The following PGBD5 variants were observed in gnomAD, a reference collection of about 807,000 sequenced individuals.
The protein encoded by PGBD5 is piggyBac transposable element-derived protein 5.
A neutral mutation model predicts 47.9 loss-of-function variants in PGBD5; 14 were observed. That is an observed-to-expected ratio of 0.29 (90% CI 0.19 to 0.46). PGBD5 has a LOEUF of 0.46. Ranked by LOEUF, PGBD5 falls within the 20% of genes least tolerant of loss-of-function variation. The probability of loss-of-function intolerance (pLI) is 1.00; values close to 1 mark genes in which losing one functional copy is unlikely to be tolerated. For synonymous variants in PGBD5, 316 were observed against 306.3 expected (o/e 1.03, Z -0.33); for missense variants, 635 against 716.0 (o/e 0.89, Z 1.29).
At chr1:230,390,441 T>A (rs1656756021) in intron 1 of PGBD5, among the ~76,000 whole-genome samples, 1 of 152,084 alleles carries the variant, frequency 6.6e-6, no homozygotes, top group Non-Finnish European at 1.5e-5. Flanking sequence ...CTGGGGTGCA[T>A]CCTCTCTGGC....
chr1:230,337,799 C>A (rs12726792), intron 3 of PGBD5, among the ~76,000 whole-genome samples: 35,057 of 152,050 alleles, frequency 0.23, 4,980 homozygotes, highest in South Asian at 0.36. Context: ...GGACTGAGGG[C>A]TAAACATTTG....
chr1:230,399,379 T>G (rs1330479673), intron 1 of PGBD5, among the ~76,000 whole-genome samples: 1 of 152,126 alleles, frequency 6.6e-6, no homozygotes, highest in Non-Finnish European at 1.5e-5. Context: ...AGCTGACTGC[T>G]CAGAACACGA....
At chr1:230,356,600 G>C (rs575704867) in intron 2 of PGBD5, among the ~76,000 whole-genome samples, 6 of 152,296 alleles carry the variant, frequency 3.9e-5, no homozygotes, top group Non-Finnish European at 8.8e-5. Context: ...ACACCATTTG[G>C]AAAGTATAAT....
chr1:230,370,162 C>T (rs1320446566), intron 1 of PGBD5, among the ~76,000 whole-genome samples: 1 of 152,198 alleles, frequency 6.6e-6, no homozygotes, highest in South Asian at 2.1e-4. Flanking sequence ...AGATGCTCTG[C>T]GTTCCCCTCC....
intron 3 of PGBD5, among the ~76,000 whole-genome samples, chr1:230,344,356 A>G (rs1235457915): frequency 1.3e-5 from 2 of 152,074 alleles, no homozygotes; most frequent in Non-Finnish European, 2.9e-5. Flanking sequence ...TGCTTTGTAG[A>G]TCTAATTTTA....
At position 230,323,484 on chromosome 1, in the gene PGBD5, A is replaced by G; in HGVS notation, c.1516T>C (p.Phe506Leu). The G allele has an allele frequency of 6.2e-7, 1 of 1,613,976 alleles. No individual in the cohort carries two copies. Among genetic ancestry groups the G allele is most frequent in the Non-Finnish European group, 8.5e-7 (1 of 1,179,990 alleles). ...YHVKRYSRAQ[F>L]GERLVRELLG... Reference sequence around the variant, plus strand: ...AGCTCTCTGACGAGTCTCTCTCCAAACTGCGCCCGGCTGTACCTCTTCACG... The same window carrying G: ...AGCTCTCTGACGAGTCTCTCTCCAAGCTGCGCCCGGCTGTACCTCTTCACG... The change falls in exon 7 of 7, where the codon TTT becomes CTT. Residue 506 changes from phenylalanine to leucine, a missense_variant. Coordinates refer to ENST00000391860, the MANE Select transcript of PGBD5 (RefSeq NM_001258311.2). The surrounding 1 kb of genome is among the most constrained non-coding windows in gnomAD (Gnocchi z 4.1).
intron 1 of PGBD5, among the ~76,000 whole-genome samples, chr1:230,385,289 C>T (rs995926633): frequency 6.6e-5 from 10 of 152,186 alleles, no homozygotes; most frequent in Non-Finnish European, 1.0e-4. Flanking sequence ...TTCCTTCCTA[C>T]AGCAGGGGAT....
chr1:230,317,725 A>G lies in PGBD5; in HGVS notation c.*5700T>C, dbSNP rs1490734716. 1 of 150,824 alleles carries G rather than the reference A, an allele frequency of 6.6e-6. No homozygotes were observed. The highest frequency in any genetic ancestry group is 2.4e-5 in the African/African-American group (1 of 40,906). The allele number at this position is 150,824 out of a possible 1,614,324, so 9.3% of individuals were successfully genotyped here. A position where few individuals can be genotyped will look rare whatever the true frequency, so the allele number is the denominator to read the frequency against. ...TTGACACGTGAGGGAAGCCGCACAC[A>G]CTCCTCCATCGTCTTCCTAGGTCTT... On this transcript the variant is annotated 3_prime_UTR_variant, in exon 7 of 7. Coordinates refer to ENST00000391860, the MANE Select transcript of PGBD5 (RefSeq NM_001258311.2).
intron 1 of PGBD5, among the ~76,000 whole-genome samples, chr1:230,402,689 T>C (rs144358216): frequency 0.011 from 1,669 of 152,342 alleles, 32 homozygotes; most frequent in African/African-American, 0.038. Flanking sequence ...GCCCTCGCTA[T>C]GTTGCCCAGG....
At chr1:230,344,025 C>T (rs922999055) in intron 3 of PGBD5, among the ~76,000 whole-genome samples, 2 of 152,192 alleles carry the variant, frequency 1.3e-5, no homozygotes, top group Non-Finnish European at 2.9e-5. Context: ...GTGGCTCACA[C>T]CTGTAATCCC....
At chr1:230,334,198 C>T (rs562959913) in intron 4 of PGBD5, among the ~76,000 whole-genome samples, 140 of 152,354 alleles carry the variant, frequency 9.2e-4, no homozygotes, top group African/African-American at 3.1e-3. Flanking sequence ...CCCGGAGGTG[C>T]TTTTGAGTCT....
chr1:230,368,183 G>A, intron 1 of PGBD5: 1 of 1,351,972 alleles, frequency 7.4e-7, no homozygotes, highest in Non-Finnish European at 9.9e-7. Context: ...GAGAAGGCTT[G>A]GGGAGATGGA....
At chr1:230,328,061 C>T (rs996006667) in intron 5 of PGBD5, among the ~76,000 whole-genome samples, 5 of 152,102 alleles carry the variant, frequency 3.3e-5, no homozygotes, top group African/African-American at 1.2e-4. Context: ...CAGGATGCCC[C>T]GCTCTGAGTC....
At chr1:230,346,270 G>A (rs1667471624) in intron 3 of PGBD5, among the ~76,000 whole-genome samples, 1 of 152,012 alleles carries the variant, frequency 6.6e-6, no homozygotes, top group African/African-American at 2.4e-5. Flanking sequence ...TGAATTCCTG[G>A]GCTCAAGTGA....
At chr1:230,416,132 G>A (rs771681208) in intron 1 of PGBD5, among the ~76,000 whole-genome samples, 7 of 152,040 alleles carry the variant, frequency 4.6e-5, no homozygotes, top group Non-Finnish European at 1.0e-4. Context: ...GGTGTCTCTG[G>A]GCCACCAGGA....
chr1:230,375,989 G>A (rs945931975), intron 1 of PGBD5, among the ~76,000 whole-genome samples: 7 of 151,668 alleles, frequency 4.6e-5, no homozygotes, highest in African/African-American at 7.3e-5. Context: ...TTGAGTGAGC[G>A]CATATCAGCA....
At chr1:230,325,630 T>A (rs1462101595) in intron 5 of PGBD5, among the ~76,000 whole-genome samples, 2 of 152,126 alleles carry the variant, frequency 1.3e-5, no homozygotes, top group African/African-American at 2.4e-5. Context: ...TGCCATGGTA[T>A]GCGCTGGCCC....
intron 1 of PGBD5, chr1:230,367,909 G>A: frequency 7.5e-7 from 1 of 1,333,936 alleles, no homozygotes; most frequent in East Asian, 4.8e-5. Context: ...GAATGCAGAG[G>A]CTCGGGGAAG....
Position 230,426,047 on chromosome 1 carries a change from G to T in PGBD5, c.-119C>A. The T allele has an allele frequency of 2.6e-6, 1 of 389,846 alleles. No individual in the cohort carries two copies. The highest frequency in any genetic ancestry group is 3.5e-6 in the Non-Finnish European group (1 of 289,194). The allele number at this position is 389,846 out of a possible 1,614,324, so 24.1% of individuals were successfully genotyped here. A position where few individuals can be genotyped will look rare whatever the true frequency, so the allele number is the denominator to read the frequency against. ...CAGCGCAGCCCGCAGCACAGCGCCC[G>T]CCGCCCCGTGCCCGGCCGGCCCGCC... On this transcript the variant is annotated 5_prime_UTR_variant, in exon 1 of 7. Transcript: ENST00000391860.
Sources: allele counts gnomAD v4.1 joint callset (sites outside exome capture counted in the v4.1 genomes callset), GRCh38; gene constraint gnomAD v4.1.1; non-coding constraint Gnocchi (gnomAD v3.1); transcripts MANE v1.5; gene names NCBI Gene and HGNC (gene_info 2026-07-23, HGNC 2026-07-21).